The following BFSP2 variants were observed in gnomAD, a reference collection of about 807,000 sequenced individuals.
BFSP2 encodes phakinin.
Under a neutral mutation model 44.9 loss-of-function variants are expected in BFSP2, and 38 were observed. The ratio of observed to expected loss-of-function variants is 0.85; its 90% CI spans 0.65 to 1.11. The LOEUF (loss-of-function observed/expected upper bound fraction) is 1.11, where lower values mean the gene tolerates loss of function less well. Among genes scored for constraint, BFSP2 ranks in the 50% least tolerant of loss-of-function variants. BFSP2 has a pLI of 0.00. For synonymous variants in BFSP2, 197 were observed against 209.9 expected, an observed-to-expected ratio of 0.94 and a Z score of 0.53; for missense variants, 525 against 533.0, an observed-to-expected ratio of 0.99 and a Z score of 0.15.
chr3:133,410,594 G>A (rs1466117380), intron 1 of BFSP2: 3 of 289,982 alleles, frequency 1.0e-5, no homozygotes, highest in Non-Finnish European at 2.1e-5. Context: ...TTCCAAGTGG[G>A]CAGCACTCAA....
chr3:133,407,262 AGAGAT>A (rs1361800764), intron 1 of BFSP2, among the ~76,000 whole-genome samples: 3 of 152,184 alleles, frequency 2.0e-5, no homozygotes, highest in African/African-American at 7.2e-5. Context: ...AAAAGATAAA[AGAGAT>A]GAGAAAATCT....
At chr3:133,429,876 G>A (rs2107903385) in intron 1 of BFSP2, among the ~76,000 whole-genome samples, 1 of 151,726 alleles carries the variant, frequency 6.6e-6, no homozygotes, top group Non-Finnish European at 1.5e-5. Flanking sequence ...TTTAGCATTA[G>A]GTATATCTCC....
intron 1 of BFSP2, among the ~76,000 whole-genome samples, chr3:133,430,084 C>T (rs1437469344): frequency 6.6e-6 from 1 of 151,726 alleles, no homozygotes; most frequent in East Asian, 1.9e-4. Flanking sequence ...AGGACATGAA[C>T]TCATCCTTTT....
chr3:133,468,802 T>G (rs2074135495), intron 5 of BFSP2, among the ~76,000 whole-genome samples: 1 of 152,114 alleles, frequency 6.6e-6, no homozygotes, highest in Admixed American at 6.5e-5. Flanking sequence ...AAGGTCACAT[T>G]GAGAAAGCGA....
intron 4 of BFSP2, among the ~76,000 whole-genome samples, chr3:133,462,630 C>G (rs1056752026): frequency 1.3e-5 from 2 of 152,210 alleles, no homozygotes; most frequent in Non-Finnish European, 2.9e-5. Context: ...ATTCACAATA[C>G]TGCTTAAGGG....
chr3:133,406,437 G>A (rs544505685), intron 1 of BFSP2, among the ~76,000 whole-genome samples: 15 of 152,296 alleles, frequency 9.8e-5, no homozygotes, highest in African/African-American at 3.6e-4. Flanking sequence ...CTTAAAATGT[G>A]AGTTCCATGT....
chr3:133,441,546 T>C (rs1055150135), intron 1 of BFSP2, among the ~76,000 whole-genome samples: 2 of 152,032 alleles, frequency 1.3e-5, no homozygotes, highest in Non-Finnish European at 2.9e-5. Context: ...AAGAGAGAGA[T>C]GTTTAAGGTG....
chr3:133,407,258 TAAAAG>T (rs1487481794), intron 1 of BFSP2, among the ~76,000 whole-genome samples: 3 of 151,962 alleles, frequency 2.0e-5, no homozygotes, highest in Non-Finnish European at 4.4e-5. Flanking sequence ...AACAAAAAGA[TAAAAG>T]AGATGAGAAA....
At chr3:133,448,343 T>A (rs1054898652) in intron 2 of BFSP2, 146 bp from the exon 3 acceptor site, 103 of 1,056,766 alleles carry the variant, frequency 9.7e-5, no homozygotes, top group Non-Finnish European at 1.3e-4. Flanking sequence ...ACAACTGCAC[T>A]AACAGTGCCC....
At chr3:133,434,385 C>G (rs934701816) in intron 1 of BFSP2, among the ~76,000 whole-genome samples, 15 of 152,188 alleles carry the variant, frequency 9.9e-5, no homozygotes, top group Non-Finnish European at 2.2e-4. Flanking sequence ...CTCTCCCACT[C>G]TAGGTTCCCA....
chr3:133,468,534 A>G (rs2074132750), intron 5 of BFSP2, among the ~76,000 whole-genome samples: 1 of 152,124 alleles, frequency 6.6e-6, no homozygotes, highest in African/African-American at 2.4e-5. Flanking sequence ...TGGTGACTCA[A>G]TTGTGCATCT....
At chr3:133,413,862 G>A (rs929270990) in intron 1 of BFSP2, among the ~76,000 whole-genome samples, 2 of 151,928 alleles carry the variant, frequency 1.3e-5, no homozygotes, top group South Asian at 4.1e-4. Context: ...CTAAATAAGC[G>A]CTAACTAAAT....
intron 1 of BFSP2, among the ~76,000 whole-genome samples, chr3:133,437,174 T>C (rs530303719): frequency 1.1e-3 from 173 of 152,266 alleles, no homozygotes; most frequent in Non-Finnish European, 1.1e-3. Flanking sequence ...CCTTGAGGAA[T>C]TGCCACACTG....
At chr3:133,436,417 A>G (rs2073782400) in intron 1 of BFSP2, among the ~76,000 whole-genome samples, 1 of 151,354 alleles carries the variant, frequency 6.6e-6, no homozygotes, top group South Asian at 2.1e-4. Flanking sequence ...TCTATATGAT[A>G]GGTTATGACT....
At chr3:133,436,703 C>A (rs567814974) in intron 1 of BFSP2, among the ~76,000 whole-genome samples, 2 of 152,236 alleles carry the variant, frequency 1.3e-5, no homozygotes, top group African/African-American at 4.8e-5. Flanking sequence ...TGTGCTGCAC[C>A]CATTAACTTG....
chr3:133,462,071 TG>T (rs11363608), intron 4 of BFSP2, among the ~76,000 whole-genome samples: 132,227 of 151,846 alleles, frequency 0.87, 57,811 homozygotes, highest in East Asian at 0.91. Context: ...CAGGCAGGCA[TG>T]GACCTGGGAG....
At chr3:133,420,402 C>T (rs968914223) in intron 1 of BFSP2, among the ~76,000 whole-genome samples, 1 of 152,154 alleles carries the variant, frequency 6.6e-6, no homozygotes, top group Non-Finnish European at 1.5e-5. Flanking sequence ...AGTCATCACT[C>T]GAATCAGCTG....
chr3:133,415,354 A>C (rs1363356909), intron 1 of BFSP2, among the ~76,000 whole-genome samples: 2 of 35,588 alleles, frequency 5.6e-5, no homozygotes, highest in African/African-American at 1.3e-4. Flanking sequence ...TCTCCCCTCT[A>C]CTCACCCCTC....
intron 1 of BFSP2, among the ~76,000 whole-genome samples, chr3:133,419,537 G>A (rs1024442802): frequency 2.6e-5 from 4 of 152,164 alleles, no homozygotes; most frequent in African/African-American, 9.7e-5. Flanking sequence ...AGTCGACACA[G>A]GCCCCACTCT....
Sources: gnomAD v4.1 joint callset for allele counts (sites outside exome capture counted in the v4.1 genomes callset) on GRCh38, gnomAD v4.1.1 for gene constraint, MANE v1.5 for transcripts, NCBI Gene and HGNC (gene_info 2026-07-23, HGNC 2026-07-21) for gene names.